LPIN2: variants seen among roughly 807,000 people sequenced by gnomAD.
LPIN2 encodes the protein lipin 2, also known as phosphatidate phosphatase LPIN2.
Under a neutral mutation model 111.4 loss-of-function variants are expected in LPIN2, and 55 were observed. The observed-to-expected ratio is 0.49, with a 90% confidence interval of 0.40 to 0.62. The LOEUF is 0.62. Among genes scored for constraint, LPIN2 ranks in the 20% least tolerant of loss-of-function variants. LPIN2 has a pLI of 0.00. For missense variants in LPIN2, 992 were observed against 1,112.1 expected (o/e 0.89, Z 1.54); for synonymous variants, 425 against 414.0 (o/e 1.03, Z -0.32).
chr18:2,953,916 T>C (rs1016700639), intron 3 of LPIN2, among the ~76,000 whole-genome samples: 1 of 152,248 alleles, frequency 6.6e-6, no homozygotes. Context: ...AATCAGTACA[T>C]ACAGAATGTG....
chr18:2,980,299 T>A (rs997857148), intron 1 of LPIN2, among the ~76,000 whole-genome samples: 59 of 152,302 alleles, frequency 3.9e-4, no homozygotes, highest in African/African-American at 1.3e-3. Context: ...TATGAGGAAA[T>A]AAAATTCCAC....
intron 1 of LPIN2, among the ~76,000 whole-genome samples, chr18:3,007,652 G>C (rs2078537321): frequency 6.6e-6 from 1 of 152,062 alleles, no homozygotes; most frequent in Non-Finnish European, 1.5e-5. Context: ...ACTTATGTTG[G>C]CTCATAAGAA....
rs773174905 is a variant in LPIN2, at chr18:2,922,196, A to G, written c.2178T>C (p.Asn726=). Residue 726 remains asparagine, a synonymous_variant, in exon 17 of 20, where the codon AAT becomes AAC. Coordinates refer to ENST00000677752, the MANE Select transcript of LPIN2 (RefSeq NM_001375808.2). ...CCGAGCAGTACAGAAACTTGTAGCC[A>G]TTCCTGAAAGAAAACACACCCTGTT... is the stretch of plus-strand genomic sequence containing the variant. The part of the protein sequence containing the change: ...IAKLYHSINE[N]GYKFLYCSAR... 4.3e-6 allele frequency: 7 copies of G among 1,614,090 alleles called. No homozygotes were observed. Among genetic ancestry groups the G allele is most frequent in the Non-Finnish European group, 5.9e-6 (7 of 1,179,970 alleles).
intron 1 of LPIN2, among the ~76,000 whole-genome samples, chr18:2,986,547 T>TGGAAA (rs10692682): frequency 1.0e-4 from 14 of 135,060 alleles, no homozygotes; most frequent in Non-Finnish European, 1.4e-4. Context: ...TTTTTTAATG[T>TGGAAA]AAAAAAAAAA....
At chr18:2,991,758 T>C (rs2078268993) in intron 1 of LPIN2, among the ~76,000 whole-genome samples, 1 of 152,018 alleles carries the variant, frequency 6.6e-6, no homozygotes, top group South Asian at 2.1e-4. Flanking sequence ...ACGCCTATAA[T>C]CTCAGCACTT....
rs1318689325 is a variant in LPIN2 at position 2,921,560 on chromosome 18, G to A, written c.2415C>T (p.Phe805=). ...TTGGACGGTTTCCAAAGGCAGCATA[G>A]AAGGGCTGCTTAGACGGGGCAAACA... ...KNLFAPSKQP[F]YAAFGNRPND... The change falls in exon 18 of 20, where the codon TTC becomes TTT. Residue 805 remains phenylalanine (F), a synonymous_variant. Transcript: ENST00000677752. 1 of 1,613,904 alleles carries A rather than the reference G, an allele frequency of 6.2e-7. No individual in the cohort carries two copies. The highest frequency in any genetic ancestry group is 1.3e-5 in the African/African-American group (1 of 75,024).
intron 1 of LPIN2, among the ~76,000 whole-genome samples, chr18:2,981,274 C>T (rs2078106166): frequency 6.6e-6 from 1 of 152,184 alleles, no homozygotes. Context: ...GTTATAAAGT[C>T]AAACTCCTAT....
intron 14 of LPIN2, 75 bp from the exon 15 acceptor site, chr18:2,924,621 A>G: frequency 6.7e-7 from 1 of 1,482,190 alleles, no homozygotes; most frequent in Non-Finnish European, 9.4e-7. Context: ...TTACAGAACA[A>G]CTGGTGTCTC....
At chr18:2,957,801 T>C (rs2077635359) in intron 2 of LPIN2, among the ~76,000 whole-genome samples, 1 of 152,120 alleles carries the variant, frequency 6.6e-6, no homozygotes, top group African/African-American at 2.4e-5. Flanking sequence ...TAGTAGAGGG[T>C]AAATTTCTGT....
chr18:2,981,675 T>TC (rs1567852224), intron 1 of LPIN2, among the ~76,000 whole-genome samples: 1 of 152,272 alleles, frequency 6.6e-6, no homozygotes, highest in South Asian at 2.1e-4. Flanking sequence ...GCAAACTGCC[T>TC]CCCCCGTGGT....
chr18:2,969,541 A>G (rs1331897054), intron 1 of LPIN2, among the ~76,000 whole-genome samples: 1 of 152,156 alleles, frequency 6.6e-6, no homozygotes, highest in Non-Finnish European at 1.5e-5. Context: ...GGAGGTTTTT[A>G]TATCTAACTT....
intron 1 of LPIN2, among the ~76,000 whole-genome samples, chr18:2,977,382 A>G (rs1201349076): frequency 6.6e-6 from 1 of 152,206 alleles, no homozygotes; most frequent in African/African-American, 2.4e-5. Flanking sequence ...GCTAGAAAAC[A>G]CACTCAAATA....
chr18:2,952,502 G>C (rs971243848), intron 3 of LPIN2, among the ~76,000 whole-genome samples: 3 of 152,094 alleles, frequency 2.0e-5, no homozygotes, highest in Non-Finnish European at 4.4e-5. Flanking sequence ...AAATGTATAG[G>C]TTTCTGTAAT....
chr18:2,960,867 T>C lies in LPIN2; in HGVS notation c.-9-18A>G. ...GTTTGAGACTACAAGAAACAAAAAT[T>C]AGATGAGATGTTAACACTAAATTTG... is the stretch of plus-strand genomic sequence containing the variant. On this transcript the variant is annotated intron_variant, in intron 1 of 19. Transcript: ENST00000677752. 1 of 1,597,534 alleles carries C rather than the reference T, an allele frequency of 6.3e-7. No individual in the cohort carries two copies. The highest frequency in any genetic ancestry group is 8.6e-7 in the Non-Finnish European group (1 of 1,168,268).
Position 2,966,819 on chromosome 18 carries a change from A to G in LPIN2, c.-9-5970T>C, listed in dbSNP as rs116488698. On this transcript the variant is annotated intron_variant, in intron 1 of 19. Coordinates refer to ENST00000677752, the MANE Select transcript of LPIN2 (RefSeq NM_001375808.2). ...CAAAGCAGACTCCTGGGAGCGCCAC[A>G]TGTCATGAGGCTTACGGACAGAGGT... Among the ~76,000 whole-genome samples, 248 of 152,318 alleles carry G rather than the reference A, an allele frequency of 1.6e-3. 1 individual carries two copies. The highest frequency in any genetic ancestry group is 6.8e-3 in the Middle Eastern group (2 of 294).
intron 1 of LPIN2, among the ~76,000 whole-genome samples, chr18:2,963,300 G>A (rs2077741405): frequency 1.3e-5 from 2 of 152,246 alleles, no homozygotes; most frequent in South Asian, 4.1e-4. Context: ...AGGCATGAGG[G>A]ATATGTTAAA....
chr18:2,949,545 G>A (rs375600207), intron 4 of LPIN2, among the ~76,000 whole-genome samples: 41 of 152,126 alleles, frequency 2.7e-4, no homozygotes, highest in African/African-American at 7.5e-4. Context: ...ATTCAGCGTG[G>A]GAGGAGTAAG....
intron 1 of LPIN2, among the ~76,000 whole-genome samples, chr18:3,006,108 A>G (rs1256437115): frequency 6.6e-6 from 1 of 152,202 alleles, no homozygotes; most frequent in Admixed American, 6.5e-5. Flanking sequence ...AGTGGTTGTG[A>G]CTTAAGAGAG....
In LPIN2 at chr18:2,954,742, G is replaced by A. The variant is rs571527827; in HGVS notation, c.193-143C>T. Reference sequence around the variant, plus strand: ...CAGCCTCTGAGAAACACTGCTACTTGCCCCTACCCAACCCCTAAGAAGCCA... The same window carrying A: ...CAGCCTCTGAGAAACACTGCTACTTACCCCTACCCAACCCCTAAGAAGCCA... On this transcript the variant is annotated intron_variant, in intron 2 of 19. Coordinates refer to ENST00000677752, the MANE Select transcript of LPIN2 (RefSeq NM_001375808.2). 1,017 of 702,602 alleles carry A rather than the reference G, an allele frequency of 1.4e-3. 1 individual carries two copies. Among genetic ancestry groups the A allele is most frequent in the Non-Finnish European group, 2.3e-3 (881 of 388,796 alleles). The allele number at this position is 702,602 out of a possible 1,614,324, so 43.5% of individuals were successfully genotyped here.
Sources: gnomAD v4.1 joint callset for allele counts (sites outside exome capture counted in the v4.1 genomes callset) on GRCh38, gnomAD v4.1.1 for gene constraint, MANE v1.5 for transcripts, NCBI Gene and HGNC (gene_info 2026-07-23, HGNC 2026-07-21) for gene names.